The following ARHGAP32 variants were observed in gnomAD, a reference collection of about 807,000 sequenced individuals.
The protein encoded by ARHGAP32 is rho GTPase-activating protein 32.
Under a neutral mutation model 186.5 loss-of-function variants are expected in ARHGAP32, and 51 were observed. That is an observed-to-expected ratio of 0.27 (90% confidence interval 0.22 to 0.35). The LOEUF is 0.35. ARHGAP32 is among the 10% of genes least tolerant of loss of function. The pLI is 1.00. For missense variants in ARHGAP32, 2,186 were observed against 2,623.5 expected, an observed-to-expected ratio of 0.83 and a Z score of 3.64; for synonymous variants, 950 against 964.3, an observed-to-expected ratio of 0.99 and a Z score of 0.27.
At chr11:129,178,193 T>C (rs1943963818) in intron 1 of ARHGAP32, among the ~76,000 whole-genome samples, 1 of 151,970 alleles carries the variant, frequency 6.6e-6, no homozygotes, top group Non-Finnish European at 1.5e-5. Context: ...ACATTCACAA[T>C]TGCTTCAAAG....
rs1466543561 is a variant in ARHGAP32, at chr11:129,123,646, C to T, written c.360-116G>A. On this transcript the variant is annotated intron_variant, in intron 4 of 22. Transcript: ENST00000682385. The surrounding 1 kb of genome is among the most constrained non-coding windows in gnomAD (Gnocchi z 4.6). ...TGCAAGCAAAAATATTTCGTAAGCA[C>T]ATGCGCATGAGCCACACATATCCGC... 7 of 912,510 alleles carry T rather than the reference C, an allele frequency of 7.7e-6. No homozygotes were observed. Among genetic ancestry groups the T allele is most frequent in the African/African-American group, 1.7e-5 (1 of 59,776 alleles). The allele number at this position is 912,510 out of a possible 1,614,324, so 56.5% of individuals were successfully genotyped here.
chr11:129,262,975 G>A (rs370510207), intron 1 of ARHGAP32, among the ~76,000 whole-genome samples: 149 of 152,294 alleles, frequency 9.8e-4, no homozygotes, highest in African/African-American at 3.5e-3. Context: ...TTCTACAGGA[G>A]TGTGAAGACC....
chr11:128,988,107 C>A lies in ARHGAP32; in HGVS notation c.1214G>T (p.Ser405Ile), dbSNP rs1389488264. The A allele has an allele frequency of 6.2e-7, 1 of 1,612,224 alleles. No individual in the cohort carries two copies. The highest frequency in any genetic ancestry group is 1.7e-5 in the Admixed American group (1 of 59,952). The change falls in exon 13 of 23, where the codon AGC becomes ATC. Residue 405 changes from serine (S) to isoleucine (I), a missense_variant. By Grantham distance (142) the Ser-to-Ile change is moderately radical (BLOSUM62 -2). Transcript: ENST00000682385. ...SGFEVPQVLQ[S>I]CTAFIERYGI... is the part of the protein sequence containing the mutation. ...ATATCTCTCAATGAATGCTGTGCAGCTTTGAAGAACCTGCGGCACTAAAGA... is the reference window on the plus strand; with the variant it reads ...ATATCTCTCAATGAATGCTGTGCAGATTTGAAGAACCTGCGGCACTAAAGA...
chr11:129,257,554 A>C (rs1945269816), intron 1 of ARHGAP32, among the ~76,000 whole-genome samples: 1 of 152,158 alleles, frequency 6.6e-6, no homozygotes, highest in Non-Finnish European at 1.5e-5. Flanking sequence ...CAGAAGGATC[A>C]CTTGAGCTCA....
intron 1 of ARHGAP32, among the ~76,000 whole-genome samples, chr11:129,197,989 A>G (rs1284530357): frequency 6.6e-6 from 1 of 152,212 alleles, no homozygotes; most frequent in African/African-American, 2.4e-5. Context: ...GAAAATATCA[A>G]AAATAAAGAA....
chr11:129,005,571 G>T (rs140153578), intron 11 of ARHGAP32, among the ~76,000 whole-genome samples: 128 of 152,210 alleles, frequency 8.4e-4, no homozygotes, highest in African/African-American at 3.0e-3. Flanking sequence ...AATATGTCAT[G>T]CCACTCATTC....
chr11:128,994,289 G>A lies in ARHGAP32; in HGVS notation c.1195+4030C>T, dbSNP rs913454497. On this transcript the variant is annotated intron_variant, in intron 12 of 22. Coordinates refer to ENST00000682385, the MANE Select transcript of ARHGAP32 (RefSeq NM_001378024.1). ...CCTGCCTCAGCCTCCTGAGTAGCTA[G>A]GATTACAGGCATGCACCACCACACC... Among the ~76,000 whole-genome samples, 4 of 151,966 alleles carry A rather than the reference G, an allele frequency of 2.6e-5. No individual in the cohort carries two copies. In the East Asian group the frequency reaches 7.7e-4, roughly 29 times the overall value.
At chr11:129,056,030 T>A (rs1322349970) in intron 10 of ARHGAP32, among the ~76,000 whole-genome samples, 1 of 152,224 alleles carries the variant, frequency 6.6e-6, no homozygotes, top group African/African-American at 2.4e-5. Context: ...TTCTGTGTGA[T>A]TCTGGCCCTG....
At chr11:129,082,909 CAACA>C (rs1288786467) in intron 6 of ARHGAP32, among the ~76,000 whole-genome samples, 2 of 150,994 alleles carry the variant, frequency 1.3e-5, no homozygotes, top group African/African-American at 4.9e-5. Context: ...ACAACAACAA[CAACA>C]AATAATTCCA....
chr11:129,045,090 C>T (rs1165602053), intron 10 of ARHGAP32, among the ~76,000 whole-genome samples: 1 of 152,116 alleles, frequency 6.6e-6, no homozygotes, highest in Non-Finnish European at 1.5e-5. Flanking sequence ...TAATACCTAA[C>T]TCCAATCCCT....
intron 12 of ARHGAP32, among the ~76,000 whole-genome samples, chr11:128,989,577 ATACTTT>A (rs1400784846): frequency 4.9e-5 from 7 of 143,382 alleles, no homozygotes; most frequent in Non-Finnish European, 6.1e-5. Context: ...TTTTTTTATT[ATACTTT>A]AAGTTCTGGG....
chr11:129,129,142 GTC>G (rs374372955), intron 2 of ARHGAP32, among the ~76,000 whole-genome samples: 2,788 of 150,380 alleles, frequency 0.019, 56 homozygotes, highest in African/African-American at 0.04. Flanking sequence ...ACTGAGGAGT[GTC>G]TCTGCCCGGC....
intron 2 of ARHGAP32, among the ~76,000 whole-genome samples, chr11:129,156,089 C>A (rs1267282647): frequency 6.6e-6 from 1 of 152,240 alleles, no homozygotes; most frequent in Non-Finnish European, 1.5e-5. Flanking sequence ...ATGGTCTTCA[C>A]AACCTGCAGA....
chr11:128,980,394 C>G (rs575103904), intron 18 of ARHGAP32, 159 bp downstream of exon 18: 2 of 487,242 alleles, frequency 4.1e-6, no homozygotes, highest in South Asian at 8.6e-5. Flanking sequence ...CCCCATGAAG[C>G]GGTAAGTATC....
chr11:129,136,952 A>G (rs970251196), intron 2 of ARHGAP32, among the ~76,000 whole-genome samples: 17 of 152,046 alleles, frequency 1.1e-4, no homozygotes, highest in African/African-American at 3.6e-4. Context: ...ATATGCATCC[A>G]TAAGTATAAG....
intron 1 of ARHGAP32, among the ~76,000 whole-genome samples, chr11:129,208,667 C>A (rs1186135535): frequency 1.4e-5 from 2 of 142,844 alleles, no homozygotes; most frequent in Non-Finnish European, 3.1e-5. Context: ...ATTTTCTTTT[C>A]TTTTTTTTTT....
chr11:129,013,287 G>T (rs1938175531), intron 11 of ARHGAP32, among the ~76,000 whole-genome samples: 1 of 152,298 alleles, frequency 6.6e-6, no homozygotes, highest in East Asian at 1.9e-4. Context: ...TGGCCACTTT[G>T]CATTGTCACC....
intron 1 of ARHGAP32, among the ~76,000 whole-genome samples, chr11:129,173,842 A>T (rs1943829525): frequency 6.6e-6 from 1 of 152,230 alleles, no homozygotes; most frequent in South Asian, 2.1e-4. Flanking sequence ...TGAACAAATC[A>T]AGAATGTTGT....
chr11:129,268,562 T>C (rs1197546395), intron 1 of ARHGAP32, among the ~76,000 whole-genome samples: 3 of 147,180 alleles, frequency 2.0e-5, no homozygotes, highest in African/African-American at 5.0e-5. Flanking sequence ...ATGCAGAGAC[T>C]AGTGGTATGA....
Sources: allele counts gnomAD v4.1 joint callset (sites outside exome capture counted in the v4.1 genomes callset), GRCh38; gene constraint gnomAD v4.1.1; non-coding constraint Gnocchi (gnomAD v3.1); transcripts MANE v1.5; gene names NCBI Gene and HGNC (gene_info 2026-07-23, HGNC 2026-07-21).